Variants in RAB11A observed in about 807,000 individuals in gnomAD.
RAB11A encodes RAB11A, member RAS oncogene family.
In RAB11A, 9 loss-of-function variants were observed where a neutral mutation model predicts 28.0. That is an observed-to-expected ratio of 0.32 (90% CI 0.19 to 0.56). The LOEUF is 0.56. Ranked by LOEUF, RAB11A falls within the 20% of genes least tolerant of loss-of-function variation. The pLI is 0.91. For missense variants in RAB11A, 108 were observed against 269.6 expected, an observed-to-expected ratio of 0.40 and a Z score of 4.20; for synonymous variants, 85 against 88.2, an observed-to-expected ratio of 0.96 and a Z score of 0.20.
At chr15:65,879,816 A>G (rs1040209020) in intron 4 of RAB11A, 65 bp downstream of exon 4, 2 of 1,211,192 alleles carry the variant, frequency 1.7e-6, no homozygotes, top group Non-Finnish European at 1.2e-6. Context: ...ATTTAAACAA[A>G]CTAATCAGTA....
Position 65,887,843 on chromosome 15 carries a change from C to G in RAB11A, c.*3C>G. On this transcript the variant is annotated 3_prime_UTR_variant, in exon 5 of 5. Transcript: ENST00000261890. ...TGCAGTGCTGTCAGAACATCTAAGG[C>G]ATTTCTCTTCTCCCCTAGAAGGCTG... The G allele has an allele frequency of 6.2e-7, 1 of 1,603,216 alleles. No individual in the cohort carries two copies. The highest frequency in any genetic ancestry group is 8.5e-7 in the Non-Finnish European group (1 of 1,176,090).
In RAB11A at chr15:65,890,305, C is replaced by G. The variant is rs978705246; in HGVS notation, c.*2465C>G. ...ATCTCCTGACCTGGTGATACACCCA[C>G]CTCGGCCTCCCAAAGTGCTGGGATT... On this transcript the variant is annotated 3_prime_UTR_variant, in exon 5 of 5. Coordinates refer to ENST00000261890, the MANE Select transcript of RAB11A (RefSeq NM_004663.5). The G allele has an allele frequency of 2.0e-5, 3 of 152,264 alleles. No individual in the cohort carries two copies. The highest frequency in any genetic ancestry group is 7.2e-5 in the African/African-American group (3 of 41,418). 9.4% of individuals were successfully genotyped at this position (152,264 alleles called of 1,614,324 possible).
chr15:65,887,142 A>C (rs923290673), intron 4 of RAB11A, among the ~76,000 whole-genome samples: 1 of 149,918 alleles, frequency 6.7e-6, no homozygotes, highest in African/African-American at 2.4e-5. Context: ...CTTTGAATCT[A>C]AGTCCATAAA....
At chr15:65,875,903 G>GT (rs1196213313) in intron 1 of RAB11A, among the ~76,000 whole-genome samples, 1 of 152,156 alleles carries the variant, frequency 6.6e-6, no homozygotes, top group East Asian at 1.9e-4. Flanking sequence ...TGATTTTCTA[G>GT]TCCTGATGTC....
chr15:65,879,886 T>A (rs1596787517), intron 4 of RAB11A, 135 bp downstream of exon 4: 1 of 630,124 alleles, frequency 1.6e-6, no homozygotes, highest in East Asian at 3.1e-5. Flanking sequence ...GCAAAAGCTG[T>A]TTAGAGTGCA....
At chr15:65,884,071 G>A (rs2078238358) in intron 4 of RAB11A, among the ~76,000 whole-genome samples, 1 of 151,588 alleles carries the variant, frequency 6.6e-6, no homozygotes. Flanking sequence ...TGTCTGAGAA[G>A]GTTGACAGTG....
rs552613630 is a variant in RAB11A, at chr15:65,890,296, A to G, written c.*2456A>G. Reference sequence around the variant, plus strand: ...GTGGTCTCGATCTCCTGACCTGGTGATACACCCACCTCGGCCTCCCAAAGT... The same window carrying G: ...GTGGTCTCGATCTCCTGACCTGGTGGTACACCCACCTCGGCCTCCCAAAGT... On this transcript the variant is annotated 3_prime_UTR_variant, in exon 5 of 5. Coordinates refer to ENST00000261890, the MANE Select transcript of RAB11A (RefSeq NM_004663.5). 6.6e-6 allele frequency: 1 copy of G among 152,318 alleles called. No homozygotes were observed. Among genetic ancestry groups the G allele is most frequent in the East Asian group, 1.9e-4 (1 of 5,172 alleles). 9.4% of individuals were successfully genotyped at this position (152,318 alleles called of 1,614,324 possible).
At position 65,890,690 on chromosome 15, in the gene RAB11A, A is replaced by G. The variant is rs1322353266; in HGVS notation, c.*2850A>G. 2 of 152,220 alleles carry G rather than the reference A, an allele frequency of 1.3e-5. No homozygotes were observed. Among genetic ancestry groups the G allele is most frequent in the African/African-American group, 4.8e-5 (2 of 41,452 alleles). 9.4% of individuals were successfully genotyped at this position (152,220 alleles called of 1,614,324 possible). Reference sequence around the variant, plus strand: ...TGCTGACTGGTATTTATAAAATACAAATGCTTTTAGTGGGTTGAGCTGTTG... The same window carrying G: ...TGCTGACTGGTATTTATAAAATACAGATGCTTTTAGTGGGTTGAGCTGTTG... On this transcript the variant is annotated 3_prime_UTR_variant, in exon 5 of 5. Transcript: ENST00000261890.
At chr15:65,869,679 A>T (rs1596778631) in intron 1 of RAB11A, 54 bp downstream of exon 1, 1 of 1,566,420 alleles carries the variant, frequency 6.4e-7, no homozygotes, top group African/African-American at 1.4e-5. Flanking sequence ...GACCCGGGCC[A>T]CTCCCGGTGG....
intron 3 of RAB11A, 125 bp downstream of exon 3, chr15:65,878,080 T>C (rs1282962179): frequency 9.6e-7 from 1 of 1,041,194 alleles, no homozygotes; most frequent in Non-Finnish European, 1.5e-6. Context: ...AAGAATTGTT[T>C]TGAAAGTTTG....
intron 4 of RAB11A, 117 bp downstream of exon 4, chr15:65,879,868 C>A: frequency 1.3e-6 from 1 of 764,268 alleles, no homozygotes; most frequent in Non-Finnish European, 2.1e-6. Context: ...CATTTGAGAG[C>A]TACTCTAGCA....
At position 65,869,683 on chromosome 15, in the gene RAB11A, C is replaced by T. The variant is rs1189628783; in HGVS notation, c.40+58C>T. The T allele has an allele frequency of 3.2e-6, 5 of 1,558,424 alleles. No individual in the cohort carries two copies. In the African/African-American group the frequency reaches 5.4e-5, roughly 17 times the overall value. On this transcript the variant is annotated intron_variant, in intron 1 of 4. Transcript: ENST00000261890. ...CCTCGTTCGGGGACCCGGGCCACTC[C>T]CGGTGGACCCTCGTGCCGGCCACCC...
chr15:65,887,148 A>G (rs959526664), intron 4 of RAB11A, among the ~76,000 whole-genome samples: 2 of 149,940 alleles, frequency 1.3e-5, no homozygotes, highest in Admixed American at 1.3e-4. Context: ...ATCTAAGTCC[A>G]TAAACAATGT....
chr15:65,881,894 A>C (rs1263543472), intron 4 of RAB11A, among the ~76,000 whole-genome samples: 5 of 151,270 alleles, frequency 3.3e-5, no homozygotes, highest in Admixed American at 1.3e-4. Flanking sequence ...AAAAAAAAAA[A>C]AAAAAAACAC....
chr15:65,878,963 A>G (rs2078204961), intron 3 of RAB11A, among the ~76,000 whole-genome samples: 4 of 150,698 alleles, frequency 2.7e-5, no homozygotes, highest in Admixed American at 2.6e-4. Context: ...ATTTATTTTA[A>G]TTAAGGAGCC....
chr15:65,870,740 C>T (rs1469212131), intron 1 of RAB11A, among the ~76,000 whole-genome samples: 1 of 152,126 alleles, frequency 6.6e-6, no homozygotes, highest in Non-Finnish European at 1.5e-5. Flanking sequence ...AAGTTGTGTG[C>T]TCTTTTGGTT....
In RAB11A at chr15:65,891,882, T is replaced by C. The variant is rs1045518690; in HGVS notation, c.*4042T>C. 4.6e-5 allele frequency: 7 copies of C among 152,224 alleles called. No individual in the cohort carries two copies. The highest frequency in any genetic ancestry group is 1.4e-4 in the African/African-American group (6 of 41,468). 9.4% of individuals were successfully genotyped at this position (152,224 alleles called of 1,614,324 possible). A position where few individuals can be genotyped will look rare whatever the true frequency, so the allele number is the denominator to read the frequency against. ...GCACTTGATGGGCTGCTATGTTAAC[T>C]GTAAATTGAGAACTGCTTGTTTTAT... On this transcript the variant is annotated 3_prime_UTR_variant, in exon 5 of 5. Transcript: ENST00000261890.
chr15:65,887,763 A>G lies in RAB11A; in HGVS notation c.574A>G (p.Ser192Gly). ...SDRRENDMSP[S>G]NNVVPIHVPP... ...CAGACGCGAAAATGACATGTCTCCA[A>G]GCAACAATGTGGTTCCTATTCATGT... Residue 192 changes from serine to glycine, a missense_variant, in exon 5 of 5, where the codon AGC (serine) becomes GGC (glycine). By Grantham distance (56) the Ser-to-Gly change is moderately conservative. Coordinates refer to ENST00000261890, the MANE Select transcript of RAB11A (RefSeq NM_004663.5). 6.2e-7 allele frequency: 1 copy of G among 1,613,852 alleles called. No homozygotes were observed. Among genetic ancestry groups the G allele is most frequent in the Non-Finnish European group, 8.5e-7 (1 of 1,179,858 alleles).
chr15:65,884,795 A>G (rs541494050), intron 4 of RAB11A, among the ~76,000 whole-genome samples: 1 of 151,082 alleles, frequency 6.6e-6, no homozygotes, highest in Non-Finnish European at 1.5e-5. Flanking sequence ...ACCTGATAAG[A>G]AAGTAGGAAG....
Sources: allele counts gnomAD v4.1 joint callset (sites outside exome capture counted in the v4.1 genomes callset), GRCh38; gene constraint gnomAD v4.1.1; transcripts MANE v1.5; gene names NCBI Gene and HGNC (gene_info 2026-07-23, HGNC 2026-07-21).